Variants in IBA57 observed in about 807,000 individuals in gnomAD.
IBA57 encodes iron-sulfur cluster assembly factor IBA57, mitochondrial.
A neutral mutation model predicts 20.4 loss-of-function variants in IBA57; 20 were observed. The ratio of observed to expected loss-of-function variants is 0.98; its 90% confidence interval spans 0.69 to 1.42. The LOEUF is 1.42. Ranked by LOEUF, IBA57 falls within the 40% of genes most tolerant of loss-of-function variation. IBA57 has a pLI of 0.00. For missense variants in IBA57, 608 were observed against 499.3 expected, an observed-to-expected ratio of 1.22 and a Z score of -2.07; for synonymous variants, 310 against 233.9, an observed-to-expected ratio of 1.33 and a Z score of -2.97.
At position 228,180,918 on chromosome 1, in the gene IBA57, T is replaced by A. The variant is rs552864330; in HGVS notation, c.*5405T>A. The A allele has an allele frequency of 1.3e-5, 2 of 151,992 alleles. No individual in the cohort carries two copies. Among genetic ancestry groups the A allele is most frequent in the Admixed American group, 1.3e-4 (2 of 15,270 alleles). The allele number at this position is 151,992 out of a possible 1,614,324, so 9.4% of individuals were successfully genotyped here. A position where few individuals can be genotyped will look rare whatever the true frequency, so the allele number is the denominator to read the frequency against. ...AGGTGATCTTCCCACCTCAGCCTCCTGAGTAGCTGGGACCACAGGTGCATG... is the reference window on the plus strand; with the variant it reads ...AGGTGATCTTCCCACCTCAGCCTCCAGAGTAGCTGGGACCACAGGTGCATG... On this transcript the variant is annotated 3_prime_UTR_variant, in exon 3 of 3. Coordinates refer to ENST00000366711, the MANE Select transcript of IBA57 (RefSeq NM_001010867.4).
At position 228,165,963 on chromosome 1, in the gene IBA57, C is replaced by T. The variant is rs1303618851; in HGVS notation, c.147C>T (p.Ala49=). The T allele has an allele frequency of 7.3e-6, 11 of 1,514,726 alleles. No individual in the cohort carries two copies. The highest frequency in any genetic ancestry group is 9.7e-6 in the Non-Finnish European group (11 of 1,139,228). The allele number at this position is 1,514,726 out of a possible 1,614,324, so 93.8% of individuals were successfully genotyped here. ...GGDPTAGAAW[A]CFRLDGRTLL... is the part of the protein sequence containing the mutation. The stretch of plus-strand genomic sequence containing the variant: ...ACCCAACGGCCGGAGCGGCCTGGGC[C>T]TGCTTCCGGCTGGACGGGCGCACCC... Residue 49 remains alanine, a synonymous_variant, in exon 1 of 3, where the codon GCC becomes GCT. Coordinates refer to ENST00000366711, the MANE Select transcript of IBA57 (RefSeq NM_001010867.4).
In IBA57 at chr1:228,170,148, C is replaced by T. The variant is rs371878466; in HGVS notation, c.341+3991C>T. 3.0e-4 allele frequency among the ~76,000 whole-genome samples: 45 copies of T among 152,254 alleles called. No homozygotes were observed. The South Asian group carries it at 9.3e-3, about 32-fold the overall frequency. On this transcript the variant is annotated intron_variant, in intron 1 of 2. Coordinates refer to ENST00000366711, the MANE Select transcript of IBA57 (RefSeq NM_001010867.4). The surrounding 1 kb of genome is among the most constrained non-coding windows in gnomAD (Gnocchi z 4.8). ...CCTCCCAAAGTGCTGGGATTACAGGCGTGAGCCACGGCGCCCGGCCGACAG... is the reference window on the plus strand; with the variant it reads ...CCTCCCAAAGTGCTGGGATTACAGGTGTGAGCCACGGCGCCCGGCCGACAG...
intron 1 of IBA57, 130 bp from the exon 2 acceptor site, chr1:228,174,562 C>G: frequency 1.2e-6 from 1 of 866,630 alleles, no homozygotes; most frequent in South Asian, 2.1e-5. Context: ...CCCCTTGTGG[C>G]TGAGGGCAGA....
At chr1:228,171,065 A>T (rs1392046582) in intron 1 of IBA57, 1 of 152,226 alleles carries the variant, frequency 6.6e-6, no homozygotes, top group Non-Finnish European at 1.5e-5. Flanking sequence ...GCAACGGATG[A>T]TCTGTAGGTG....
chr1:228,174,106 G>C (rs1228998102), intron 1 of IBA57, among the ~76,000 whole-genome samples: 1 of 152,038 alleles, frequency 6.6e-6, no homozygotes, highest in Admixed American at 6.5e-5. Flanking sequence ...GGTGCTGCCT[G>C]GTGTGGCTGT....
At position 228,174,625 on chromosome 1, in the gene IBA57, C is replaced by T. The variant is rs903507903; in HGVS notation, c.342-67C>T. 5.7e-6 allele frequency: 8 copies of T among 1,407,816 alleles called. No individual in the cohort carries two copies. In the African/African-American group the frequency reaches 7.2e-5, roughly 13 times the overall value. 87.2% of individuals were successfully genotyped at this position (1,407,816 alleles called of 1,614,324 possible). A position where few individuals can be genotyped will look rare whatever the true frequency, so the allele number is the denominator to read the frequency against. ...CCTCTGCCCGGGTAAGGCGCGCTCC[C>T]TCATGCAGCCCTTTCTGGCCCACTC... On this transcript the variant is annotated intron_variant, in intron 1 of 2. Transcript: ENST00000366711.
chr1:228,166,052 C>T lies in IBA57; in HGVS notation c.236C>T (p.Pro79Leu). Reference sequence around the variant, plus strand: ...CTAGGGCTGCTGACCAATGAACTGCCGCTTCCGAGTCCTGCGGCCGCGGGG... The same window carrying T: ...CTAGGGCTGCTGACCAATGAACTGCTGCTTCCGAGTCCTGCGGCCGCGGGG... Reference protein sequence around the residue: ...FLLGLLTNELPLPSPAAAGAP... With the variant: ...FLLGLLTNELLLPSPAAAGAP... Residue 79 changes from proline (P) to leucine (L), a missense_variant, in exon 1 of 3, where the codon CCG (proline) becomes CTG (leucine). Physicochemically the swap from Pro to Leu is moderately conservative, Grantham distance 98 (BLOSUM62 -3). Transcript: ENST00000366711. 6.5e-7 allele frequency: 1 copy of T among 1,538,296 alleles called. No homozygotes were observed. The highest frequency in any genetic ancestry group is 8.7e-7 in the Non-Finnish European group (1 of 1,146,936).
rs775646159 is a variant in IBA57 at position 228,166,151 on chromosome 1, T to C, written c.335T>C (p.Leu112Ser). ...GGCCGGACGCTCTATGACGTCATCT[T>C]GTACGGGTGAGCGCGTGCTGGGAGG... ...VQGRTLYDVI[L>S]YGLQEHSEVS... is the part of the protein sequence containing the mutation. Residue 112 changes from leucine (L) to serine (S), a missense_variant, in exon 1 of 3, where the codon TTG becomes TCG. Transcript: ENST00000366711. 7.3e-6 allele frequency: 11 copies of C among 1,501,052 alleles called. No individual in the cohort carries two copies. The highest frequency in any genetic ancestry group is 9.8e-6 in the Non-Finnish European group (11 of 1,123,494). The allele number at this position is 1,501,052 out of a possible 1,614,324, so 93.0% of individuals were successfully genotyped here.
rs1214306026 is a variant in IBA57 at position 228,165,874 on chromosome 1, C to G, written c.58C>G (p.Arg20Gly). Residue 20 changes from arginine to glycine, a missense_variant, in exon 1 of 3, where the codon CGC becomes GGC. Coordinates refer to ENST00000366711, the MANE Select transcript of IBA57 (RefSeq NM_001010867.4). ...ATPGRGGPVWRWRLRAAPRCR... is the reference protein window; with the variant it reads ...ATPGRGGPVWGWRLRAAPRCR... ...TCCGGGGCGCGGCGGCCCGGTCTGG[C>G]GCTGGCGGCTGCGCGCGGCCCCAAG... is the stretch of plus-strand genomic sequence containing the variant. 3 of 1,334,200 alleles carry G rather than the reference C, an allele frequency of 2.2e-6. No individual in the cohort carries two copies. The highest frequency in any genetic ancestry group is 8.0e-5 in the Admixed American group (2 of 24,952). The allele number at this position is 1,334,200 out of a possible 1,614,324, so 82.6% of individuals were successfully genotyped here.
chr1:228,165,931 G>C lies in IBA57; in HGVS notation c.115G>C (p.Gly39Arg). The C allele has an allele frequency of 6.7e-7, 1 of 1,499,876 alleles. No homozygotes were observed. The highest frequency in any genetic ancestry group is 8.8e-7 in the Non-Finnish European group (1 of 1,131,724). The allele number at this position is 1,499,876 out of a possible 1,614,324, so 92.9% of individuals were successfully genotyped here. A position where few individuals can be genotyped will look rare whatever the true frequency, so the allele number is the denominator to read the frequency against. ...CCTGGCCCACAGCTCCTGCAGTCCT[G>C]GTGGCGACCCAACGGCCGGAGCGGC... ...CRLAHSSCSP[G>R]GDPTAGAAWA... is the part of the protein sequence containing the mutation. The change falls in exon 1 of 3, where the codon GGT becomes CGT. Residue 39 changes from glycine to arginine, a missense_variant. Gly to Arg is a moderately radical substitution (Grantham distance 125). Transcript: ENST00000366711.
intron 1 of IBA57, 129 bp downstream of exon 1, chr1:228,166,286 G>C: frequency 1.8e-6 from 1 of 566,610 alleles, no homozygotes; most frequent in Non-Finnish European, 2.8e-6. Flanking sequence ...GGGAGGGCCG[G>C]GATGGGGTGG....
Position 228,166,008 on chromosome 1 carries a change from C to T in IBA57, c.192C>T (p.Pro64=), listed in dbSNP as rs988464666. The T allele has an allele frequency of 3.8e-5, 58 of 1,531,058 alleles. No homozygotes were observed. Among genetic ancestry groups the T allele is most frequent in the East Asian group, 2.0e-4 (8 of 39,960 alleles). 94.8% of individuals were successfully genotyped at this position (1,531,058 alleles called of 1,614,324 possible). A position where few individuals can be genotyped will look rare whatever the true frequency, so the allele number is the denominator to read the frequency against. ...GCACCCTGCTGCGCGTGCGTGGCCC[C>T]GACGCGGCGCCCTTCCTGCTAGGGC... The part of the protein sequence containing the change: ...DGRTLLRVRG[P]DAAPFLLGLL... Residue 64 remains proline (P), a synonymous_variant, in exon 1 of 3, where the codon CCC becomes CCT. Transcript: ENST00000366711.
Position 228,175,588 on chromosome 1 carries a change from C to T in IBA57, c.*75C>T, listed in dbSNP as rs750348800. On this transcript the variant is annotated 3_prime_UTR_variant, in exon 3 of 3. Coordinates refer to ENST00000366711, the MANE Select transcript of IBA57 (RefSeq NM_001010867.4). ...CTTTGGCCTCTGTCCAGGGTCTTCCCGTCCCATCTGTCTGCTGCGCCTACT... is the reference window on the plus strand; with the variant it reads ...CTTTGGCCTCTGTCCAGGGTCTTCCTGTCCCATCTGTCTGCTGCGCCTACT... 1.6e-5 allele frequency: 23 copies of T among 1,482,240 alleles called. No individual in the cohort carries two copies. The highest frequency in any genetic ancestry group is 2.3e-4 in the Middle Eastern group (1 of 4,286). The allele number at this position is 1,482,240 out of a possible 1,614,324, so 91.8% of individuals were successfully genotyped here.
At chr1:228,166,597 C>G (rs996220972) in intron 1 of IBA57, among the ~76,000 whole-genome samples, 1 of 152,228 alleles carries the variant, frequency 6.6e-6, no homozygotes, top group African/African-American at 2.4e-5. Flanking sequence ...GGTGGCAGAG[C>G]TGTGTTTCTG....
rs540662509 is a variant in IBA57, at chr1:228,174,821, G to A, written c.471G>A (p.Leu157=). The change falls in exon 2 of 3, where the codon CTG becomes CTA. Residue 157 remains leucine (L), a synonymous_variant. Transcript: ENST00000366711. ...RKVTVEPHPE[L]RVWAVLPSSP... ...TCACGGTGGAGCCGCACCCGGAGCT[G>A]CGAGTGTGGGCGGTGTTGCCCAGTT... 31 of 1,610,420 alleles carry A rather than the reference G, an allele frequency of 1.9e-5. No individual in the cohort carries two copies. The East Asian group carries it at 6.5e-4, about 34-fold the overall frequency.
chr1:228,169,700 C>T (rs2034898441), intron 1 of IBA57, among the ~76,000 whole-genome samples: 1 of 152,156 alleles, frequency 6.6e-6, no homozygotes, highest in Non-Finnish European at 1.5e-5. Context: ...CCCATCCATC[C>T]ATCTCCCCTA....
chr1:228,174,799 C>A lies in IBA57; in HGVS notation c.449C>A (p.Thr150Lys). The A allele has an allele frequency of 6.2e-7, 1 of 1,610,768 alleles. No homozygotes were observed. The highest frequency in any genetic ancestry group is 8.5e-7 in the Non-Finnish European group (1 of 1,179,434). Residue 150 changes from threonine to lysine, a missense_variant, in exon 2 of 3, where the codon ACG becomes AAG. Thr to Lys is a moderately conservative substitution (Grantham distance 78, BLOSUM62 -1). Transcript: ENST00000366711. The stretch of plus-strand genomic sequence containing the variant: ...CTATACAGGATCCGGCGGAAGGTCA[C>A]GGTGGAGCCGCACCCGGAGCTGCGA... The part of the protein sequence containing the change: ...LALYRIRRKV[T>K]VEPHPELRVW...
intron 1 of IBA57, chr1:228,171,054 A>G (rs1018104532): frequency 1.3e-5 from 2 of 152,238 alleles, no homozygotes; most frequent in Non-Finnish European, 2.9e-5. Context: ...GTCTCAGACG[A>G]GCAACGGATG....
chr1:228,166,240 C>G, intron 1 of IBA57, 83 bp downstream of exon 1: 1 of 923,354 alleles, frequency 1.1e-6, no homozygotes, highest in Non-Finnish European at 1.4e-6. Context: ...GGGCGGGCGC[C>G]CGGGGCCTGC....
Sources: allele counts gnomAD v4.1 joint callset (sites outside exome capture counted in the v4.1 genomes callset), GRCh38; gene constraint gnomAD v4.1.1; non-coding constraint Gnocchi (gnomAD v3.1); transcripts MANE v1.5; gene names NCBI Gene and HGNC (gene_info 2026-07-23, HGNC 2026-07-21).